PDE4D: variants seen among roughly 807,000 people sequenced by gnomAD.
PDE4D encodes the protein 3',5'-cyclic-AMP phosphodiesterase 4D.
In PDE4D, 24 loss-of-function variants were observed where a neutral mutation model predicts 87.4. The observed-to-expected ratio is 0.27, with a 90% CI of 0.20 to 0.39. The LOEUF is 0.39. Among genes scored for constraint, PDE4D ranks in the 10% least tolerant of loss-of-function variants. PDE4D has a pLI of 1.00. For synonymous variants in PDE4D, 384 were observed against 383.2 expected, an observed-to-expected ratio of 1.00 and a Z score of -0.02; for missense variants, 714 against 1,041.0, an observed-to-expected ratio of 0.69 and a Z score of 4.32.
intron 1 of PDE4D, among the ~76,000 whole-genome samples, chr5:59,811,894 T>G (rs1768389469): frequency 1.3e-5 from 2 of 152,244 alleles, no homozygotes. Context: ...CCCTACTACT[T>G]AGCAATAAAT....
At chr5:60,316,742 T>A (rs1755644252) in intron 1 of PDE4D, among the ~76,000 whole-genome samples, 1 of 152,218 alleles carries the variant, frequency 6.6e-6, no homozygotes, top group Non-Finnish European at 1.5e-5. Flanking sequence ...TCTATTGAGA[T>A]AATCATATGG....
chr5:60,331,326 T>C (rs577064714), intron 1 of PDE4D, among the ~76,000 whole-genome samples: 2 of 152,306 alleles, frequency 1.3e-5, no homozygotes, highest in Admixed American at 1.3e-4. Context: ...TTCTGCAGGA[T>C]TAAATGAGGT....
At chr5:60,072,896 C>T (rs2152897351) in intron 2 of PDE4D, among the ~76,000 whole-genome samples, 1 of 152,118 alleles carries the variant, frequency 6.6e-6, no homozygotes, top group East Asian at 1.9e-4. Context: ...ATACCGTATC[C>T]CTGTAGAATA....
At chr5:59,452,602 G>A (rs1799329994) in intron 1 of PDE4D, among the ~76,000 whole-genome samples, 1 of 152,126 alleles carries the variant, frequency 6.6e-6, no homozygotes, top group African/African-American at 2.4e-5. Flanking sequence ...AAACACTCTG[G>A]CTTCTCTCTT....
chr5:60,288,280 G>A (rs1752597690), intron 1 of PDE4D, among the ~76,000 whole-genome samples: 3 of 152,192 alleles, frequency 2.0e-5, no homozygotes. Flanking sequence ...ACAGGAGGAG[G>A]TTAAATCATT....
chr5:59,347,058 C>T (rs1009297769), intron 1 of PDE4D, among the ~76,000 whole-genome samples: 12 of 152,146 alleles, frequency 7.9e-5, no homozygotes, highest in Non-Finnish European at 1.5e-5. Context: ...AGAGAATGTA[C>T]TAACGTCATC....
At chr5:60,168,700 AATGTAAATACT>A (rs2149477543) in intron 2 of PDE4D, among the ~76,000 whole-genome samples, 1 of 152,344 alleles carries the variant, frequency 6.6e-6, no homozygotes, top group Admixed American at 6.5e-5. Flanking sequence ...TATCTAATAC[AATGTAAATACT>A]ATGTAAATAG....
At chr5:59,485,406 A>T (rs747951862) in intron 1 of PDE4D, among the ~76,000 whole-genome samples, 12 of 152,116 alleles carry the variant, frequency 7.9e-5, no homozygotes, top group East Asian at 1.9e-4. Context: ...GCAAGTTTTT[A>T]AAAAAAGATA....
chr5:59,010,511 C>CA (rs1752565243), intron 6 of PDE4D, among the ~76,000 whole-genome samples: 3 of 151,434 alleles, frequency 2.0e-5, no homozygotes, highest in Admixed American at 6.6e-5. Context: ...TTACCTGGAC[C>CA]TGATTTTTAA....
chr5:60,207,420 G>A (rs949378725), intron 1 of PDE4D, among the ~76,000 whole-genome samples: 3 of 152,170 alleles, frequency 2.0e-5, no homozygotes, highest in African/African-American at 4.8e-5. Flanking sequence ...ACTTTAAGAC[G>A]AATATTCAGC....
chr5:59,262,387 C>A (rs1762157790), intron 1 of PDE4D, among the ~76,000 whole-genome samples: 1 of 151,884 alleles, frequency 6.6e-6, no homozygotes, highest in Non-Finnish European at 1.5e-5. Flanking sequence ...TGTTTCTGTA[C>A]AATACTAAAA....
At chr5:60,437,337 A>G (rs892018881) in intron 1 of PDE4D, among the ~76,000 whole-genome samples, 1 of 152,168 alleles carries the variant, frequency 6.6e-6, no homozygotes, top group Non-Finnish European at 1.5e-5. Flanking sequence ...TGTAAGGTAC[A>G]ATGAAATTAC....
At chr5:59,245,973 G>A (rs542773351) in intron 1 of PDE4D, among the ~76,000 whole-genome samples, 2 of 151,436 alleles carry the variant, frequency 1.3e-5, no homozygotes, top group South Asian at 4.1e-4. Context: ...GTGTGTGTCT[G>A]TGGATGTTGG....
chr5:60,195,033 G>A (rs945568794), intron 1 of PDE4D, among the ~76,000 whole-genome samples: 2 of 151,450 alleles, frequency 1.3e-5, no homozygotes, highest in Admixed American at 6.6e-5. Context: ...TACGCCATAC[G>A]GTTTCTCACC....
intron 3 of PDE4D, among the ~76,000 whole-genome samples, chr5:59,912,210 A>G (rs555066324): frequency 8.5e-5 from 13 of 152,336 alleles, no homozygotes; most frequent in African/African-American, 3.1e-4. Context: ...ACCAATCCCA[A>G]TGACAGAAGA....
intron 1 of PDE4D, among the ~76,000 whole-genome samples, chr5:60,425,913 G>C (rs1229672822): frequency 6.6e-6 from 1 of 152,172 alleles, no homozygotes; most frequent in Non-Finnish European, 1.5e-5. Flanking sequence ...CATTTATGCA[G>C]CCAACAGACA....
At chr5:59,356,627 C>T (rs1279097913) in intron 1 of PDE4D, 1 of 690,400 alleles carries the variant, frequency 1.4e-6, no homozygotes, top group Non-Finnish European at 2.3e-6. Flanking sequence ...ATCTTCTTGG[C>T]TCTTATTTAA....
At chr5:60,464,907 G>A (rs1425247054) in intron 1 of PDE4D, among the ~76,000 whole-genome samples, 1 of 152,114 alleles carries the variant, frequency 6.6e-6, no homozygotes, top group Non-Finnish European at 1.5e-5. Context: ...TTCAATACCA[G>A]CCTAGACAAT....
At chr5:60,489,070 G>C (rs1173127557), upstream of PDE4D, among the ~76,000 whole-genome samples, 1 of 152,122 alleles carries the variant, frequency 6.6e-6, no homozygotes, top group African/African-American at 2.4e-5. Flanking sequence ...ACATTTTAAA[G>C]TCAAAATGAT....
Sources: allele counts gnomAD v4.1 joint callset (sites outside exome capture counted in the v4.1 genomes callset), GRCh38; gene constraint gnomAD v4.1.1; transcripts MANE v1.5; gene names NCBI Gene and HGNC (gene_info 2026-07-23, HGNC 2026-07-21).